ARHGAP6: variants seen among roughly 807,000 people sequenced by gnomAD.
ARHGAP6 encodes Rho GTPase activating protein 6.
A neutral mutation model predicts 55.7 loss-of-function variants in ARHGAP6; 16 were observed. The ratio of observed to expected loss-of-function variants is 0.29; its 90% CI spans 0.19 to 0.44. ARHGAP6 has a LOEUF of 0.44. Among genes scored for constraint, ARHGAP6 ranks in the 20% least tolerant of loss-of-function variants. ARHGAP6 has a pLI of 1.00. For synonymous variants in ARHGAP6, 382 were observed against 360.9 expected, an observed-to-expected ratio of 1.06 and a Z score of -0.66; for missense variants, 698 against 808.9, an observed-to-expected ratio of 0.86 and a Z score of 1.66.
intron 1 of ARHGAP6, among the ~76,000 whole-genome samples, chrX:11,351,016 A>G (rs1262722479): frequency 9.5e-6 from 1 of 105,290 alleles, no homozygotes; most frequent in Non-Finnish European, 1.9e-5. Flanking sequence ...TGGGGTAACA[A>G]ACACCCCCAT....
intron 1 of ARHGAP6, among the ~76,000 whole-genome samples, chrX:11,608,605 C>T (rs772910190): frequency 6.2e-4 from 69 of 111,492 alleles, no homozygotes; most frequent in Middle Eastern, 4.6e-3. Flanking sequence ...TGGCTCTGTG[C>T]CCCCACCCAA....
chrX:11,227,761 T>TC (rs112265935), intron 2 of ARHGAP6, among the ~76,000 whole-genome samples: 29 of 110,322 alleles, frequency 2.6e-4, no homozygotes, highest in African/African-American at 9.2e-4. Context: ...CTCATGCCCT[T>TC]CCCTCCAAAT....
At chrX:11,346,717 A>AG in intron 1 of ARHGAP6, among the ~76,000 whole-genome samples, 1 of 98,585 alleles carries the variant, frequency 1.0e-5, no homozygotes, top group Middle Eastern at 5.0e-3. Flanking sequence ...TCAAGAAGAA[A>AG]GAAAAGAAAG....
chrX:11,242,696 T>C (rs1323682500), intron 2 of ARHGAP6, among the ~76,000 whole-genome samples: 1 of 111,980 alleles, frequency 8.9e-6, no homozygotes, highest in Non-Finnish European at 1.9e-5. Context: ...TACATTTCAT[T>C]CCTGGAGTGT....
At chrX:11,191,843 G>A (rs1169900699) in intron 3 of ARHGAP6, among the ~76,000 whole-genome samples, 1 of 111,478 alleles carries the variant, frequency 9.0e-6, no homozygotes, top group Non-Finnish European at 1.9e-5. Flanking sequence ...AATGCTCCCT[G>A]TCCTTTGCAT....
intron 2 of ARHGAP6, among the ~76,000 whole-genome samples, chrX:11,219,819 T>A (rs2147412545): frequency 1.0e-5 from 1 of 99,081 alleles, no homozygotes; most frequent in African/African-American, 3.7e-5. Context: ...TTGCGAAAAT[T>A]TTCTCCCATG....
At chrX:11,264,327 C>T (rs996924272) in intron 1 of ARHGAP6, among the ~76,000 whole-genome samples, 5 of 111,486 alleles carry the variant, frequency 4.5e-5, no homozygotes, top group Non-Finnish European at 9.4e-5. Flanking sequence ...CCTGGGTTAC[C>T]GATAAACTAA....
At chrX:11,353,549 AGTGTGTGTGT>A (rs200177159) in intron 1 of ARHGAP6, among the ~76,000 whole-genome samples, 1,442 of 82,408 alleles carry the variant, frequency 0.017, 21 homozygotes, top group African/African-American at 0.034. Flanking sequence ...TATTGCTTAT[AGTGTGTGTGT>A]GTGTGTGTGT....
At chrX:11,530,703 G>A (rs2051039043) in intron 1 of ARHGAP6, among the ~76,000 whole-genome samples, 1 of 111,550 alleles carries the variant, frequency 9.0e-6, no homozygotes, top group South Asian at 3.8e-4. Flanking sequence ...TTGAGCATGA[G>A]CCATGTGGAT....
chrX:11,216,717 T>TTTC (rs112426353), intron 2 of ARHGAP6, among the ~76,000 whole-genome samples: 27,789 of 110,825 alleles, frequency 0.25, 2,950 homozygotes, highest in African/African-American at 0.4. Flanking sequence ...ATGTAACTTT[T>TTTC]TTCTTTTTTT....
chrX:11,194,910 T>G (rs1159070648), intron 3 of ARHGAP6, among the ~76,000 whole-genome samples: 1 of 112,162 alleles, frequency 8.9e-6, no homozygotes, highest in Non-Finnish European at 1.9e-5. Context: ...CTTCCATTAC[T>G]TTTAAAGCAG....
At chrX:11,512,613 G>A (rs188052632) in intron 1 of ARHGAP6, among the ~76,000 whole-genome samples, 3 of 111,368 alleles carry the variant, frequency 2.7e-5, no homozygotes, top group African/African-American at 9.8e-5. Flanking sequence ...GATCTTAAGA[G>A]ATCTTGAGTG....
chrX:11,375,634 T>C (rs941497255), intron 1 of ARHGAP6, among the ~76,000 whole-genome samples: 1 of 112,206 alleles, frequency 8.9e-6, no homozygotes, highest in Non-Finnish European at 1.9e-5. Flanking sequence ...TATGTAGATG[T>C]GGATTGTGAT....
intron 2 of ARHGAP6, among the ~76,000 whole-genome samples, chrX:11,222,788 T>C (rs2046990570): frequency 8.9e-6 from 1 of 112,324 alleles, no homozygotes. Context: ...TAATGAGTTG[T>C]GACAGTATTT....
At chrX:11,251,131 C>T (rs1413183476) in intron 2 of ARHGAP6, among the ~76,000 whole-genome samples, 2 of 111,486 alleles carry the variant, frequency 1.8e-5, no homozygotes, top group African/African-American at 3.3e-5. Context: ...ATTGCTGGCC[C>T]GTTAGCTGCC....
intron 1 of ARHGAP6, among the ~76,000 whole-genome samples, chrX:11,377,227 G>T (rs2049212109): frequency 8.9e-6 from 1 of 112,139 alleles, no homozygotes; most frequent in South Asian, 3.7e-4. Context: ...GCACAAAATG[G>T]ATCCCAAAGT....
At chrX:11,388,177 A>G (rs1340761510) in intron 1 of ARHGAP6, among the ~76,000 whole-genome samples, 1 of 112,189 alleles carries the variant, frequency 8.9e-6, no homozygotes, top group Non-Finnish European at 1.9e-5. Flanking sequence ...CCAACAGTGT[A>G]AAAGTGTTCC....
intron 1 of ARHGAP6, among the ~76,000 whole-genome samples, chrX:11,275,462 T>C (rs747535635): frequency 7.2e-5 from 8 of 111,622 alleles, no homozygotes; most frequent in Non-Finnish European, 1.1e-4. Flanking sequence ...CCTATGTCTC[T>C]CCTACTCACA....
rs565519347 is a variant in ARHGAP6 at position 11,182,354 on chromosome X, G to A, written c.1274-236C>T. Among the ~76,000 whole-genome samples the A allele has an allele frequency of 5.1e-4, 57 of 111,692 alleles. No homozygotes were observed. The South Asian group carries it at 0.02, about 39-fold the overall frequency. On this transcript the variant is annotated intron_variant, in intron 5 of 12. Coordinates refer to ENST00000337414, the MANE Select transcript of ARHGAP6 (RefSeq NM_013427.3). ...ATGTTTCTGATCAAATATTTTTCTTGTGATATTTTATATTTCTAATCTTCT... is the reference window on the plus strand; with the variant it reads ...ATGTTTCTGATCAAATATTTTTCTTATGATATTTTATATTTCTAATCTTCT...
Sources: allele counts gnomAD v4.1 joint callset (sites outside exome capture counted in the v4.1 genomes callset), GRCh38; gene constraint gnomAD v4.1.1; transcripts MANE v1.5; gene names NCBI Gene and HGNC (gene_info 2026-07-23, HGNC 2026-07-21).